Variants in MIPEP observed in about 807,000 individuals in gnomAD.
MIPEP encodes mitochondrial intermediate peptidase.
A neutral mutation model predicts 90.3 loss-of-function variants in MIPEP; 79 were observed. The ratio of observed to expected loss-of-function variants is 0.87; its 90% CI spans 0.73 to 1.05. The LOEUF is 1.05. Ranked by LOEUF, MIPEP falls within the 50% of genes least tolerant of loss-of-function variation. The probability of loss-of-function intolerance (pLI) is 0.00; values close to 1 mark genes in which losing one functional copy is unlikely to be tolerated. For missense variants in MIPEP, 940 were observed against 905.6 expected (o/e 1.04, Z -0.49); for synonymous variants, 334 against 315.8 (o/e 1.06, Z -0.61).
At chr13:23,861,558 A>G (rs891052220) in intron 9 of MIPEP, among the ~76,000 whole-genome samples, 1 of 152,194 alleles carries the variant, frequency 6.6e-6, no homozygotes, top group Non-Finnish European at 1.5e-5. Context: ...AACAGTTTGT[A>G]AATCTGCAAG....
intron 18 of MIPEP, among the ~76,000 whole-genome samples, chr13:23,733,136 AT>A (rs1206992522): frequency 6.6e-6 from 1 of 152,226 alleles, no homozygotes; most frequent in Non-Finnish European, 1.5e-5. Flanking sequence ...AAATTTTAAC[AT>A]AAAATCTTGA....
At chr13:23,785,459 A>G (rs1440021259) in intron 16 of MIPEP, among the ~76,000 whole-genome samples, 9 of 130,648 alleles carry the variant, frequency 6.9e-5, no homozygotes, top group Admixed American at 2.6e-4. Context: ...TGGACATCAT[A>G]CACCGGGGCC....
chr13:23,796,565 C>T (rs1952963969), intron 16 of MIPEP, among the ~76,000 whole-genome samples: 1 of 149,058 alleles, frequency 6.7e-6, no homozygotes. Context: ...TTAAATTTTT[C>T]TTCTTTTTGG....
rs571766643 is a variant in MIPEP at position 23,889,129 on chromosome 13, C to T, written c.189+3G>A. 12 of 1,414,408 alleles carry T rather than the reference C, an allele frequency of 8.5e-6. No individual in the cohort carries two copies. The highest frequency in any genetic ancestry group is 2.6e-4 in the Middle Eastern group (1 of 3,844). 87.6% of individuals were successfully genotyped at this position (1,414,408 alleles called of 1,614,324 possible). ...TGAGGGGAGCTCCTCCTGCGCCGCT[C>T]ACCCGGCGCTCGCCGAACAGGTCCA... On this transcript the variant is annotated splice_donor_region_variant and intron_variant, in intron 1 of 18. Coordinates refer to ENST00000382172, the MANE Select transcript of MIPEP (RefSeq NM_005932.4).
At chr13:23,861,824 A>G (rs1236478985) in intron 9 of MIPEP, among the ~76,000 whole-genome samples, 1 of 152,200 alleles carries the variant, frequency 6.6e-6, no homozygotes, top group East Asian at 1.9e-4. Flanking sequence ...TCATATAATC[A>G]TATGATTGAA....
intron 10 of MIPEP, among the ~76,000 whole-genome samples, chr13:23,846,848 AT>A (rs1566015732): frequency 6.6e-6 from 1 of 152,032 alleles, no homozygotes; most frequent in Non-Finnish European, 1.5e-5. Context: ...GATGATGATG[AT>A]GATGGTAACT....
chr13:23,742,602 G>T (rs1952342516), intron 18 of MIPEP, among the ~76,000 whole-genome samples: 2 of 152,172 alleles, frequency 1.3e-5, no homozygotes, highest in South Asian at 4.1e-4. Context: ...GAAGGAGGAG[G>T]TTGCTTACTA....
At chr13:23,740,839 G>A (rs1452668554) in intron 18 of MIPEP, among the ~76,000 whole-genome samples, 1 of 152,234 alleles carries the variant, frequency 6.6e-6, no homozygotes, top group Admixed American at 6.5e-5. Flanking sequence ...CAGAGGGACT[G>A]CCCTCCATAG....
intron 16 of MIPEP, among the ~76,000 whole-genome samples, chr13:23,801,720 T>C (rs1483401068): frequency 6.6e-6 from 1 of 152,222 alleles, no homozygotes; most frequent in Non-Finnish European, 1.5e-5. Context: ...ATTCATTTAT[T>C]TCACTTTACC....
At chr13:23,762,508 A>G (rs1455894951) in intron 16 of MIPEP, among the ~76,000 whole-genome samples, 1 of 152,166 alleles carries the variant, frequency 6.6e-6, no homozygotes, top group African/African-American at 2.4e-5. Context: ...ACTGCAATCA[A>G]TTTAGGACAT....
At chr13:23,781,176 C>A (rs565849658) in intron 16 of MIPEP, among the ~76,000 whole-genome samples, 12 of 151,946 alleles carry the variant, frequency 7.9e-5, no homozygotes, top group Non-Finnish European at 1.2e-4. Flanking sequence ...GTTGAAATGA[C>A]GGAAAAAATG....
chr13:23,869,191 A>C (rs1184763975), intron 7 of MIPEP, 101 bp downstream of exon 7: 1 of 1,046,274 alleles, frequency 9.6e-7, no homozygotes, highest in Non-Finnish European at 1.4e-6. Flanking sequence ...GGTTCTCTAC[A>C]TGTATTAAAA....
chr13:23,879,228 G>A lies in MIPEP; in HGVS notation c.539+40C>T, dbSNP rs114708398. The A allele has an allele frequency of 8.6e-4, 1,058 of 1,230,594 alleles. 7 individuals carry two copies. In the African/African-American group the frequency reaches 0.015, roughly 17 times the overall value. The allele number at this position is 1,230,594 out of a possible 1,614,324, so 76.2% of individuals were successfully genotyped here. A position where few individuals can be genotyped will look rare whatever the true frequency, so the allele number is the denominator to read the frequency against. ...GGAGAGTCTCCCAACCTCACCTCTA[G>A]AGTCACAGTCACAATCAAGGCAAAG... On this transcript the variant is annotated intron_variant, in intron 4 of 18. Coordinates refer to ENST00000382172, the MANE Select transcript of MIPEP (RefSeq NM_005932.4).
intron 18 of MIPEP, among the ~76,000 whole-genome samples, chr13:23,741,684 G>A (rs1400855181): frequency 1.7e-5 from 2 of 120,754 alleles, no homozygotes; most frequent in East Asian, 2.6e-4. Flanking sequence ...GAGCATGGGA[G>A]GAGGGAGAGC....
intron 14 of MIPEP, among the ~76,000 whole-genome samples, chr13:23,833,212 T>A (rs1868854580): frequency 6.6e-6 from 1 of 152,208 alleles, no homozygotes; most frequent in Non-Finnish European, 1.5e-5. Context: ...CTTCTTATCC[T>A]TAAGGCTAGG....
chr13:23,879,330 A>G lies in MIPEP; in HGVS notation c.477T>C (p.Tyr159=). 1 of 1,590,478 alleles carries G rather than the reference A, an allele frequency of 6.3e-7. No individual in the cohort carries two copies. Among genetic ancestry groups the G allele is most frequent in the East Asian group, 2.2e-5 (1 of 44,778 alleles). The change falls in exon 4 of 19, where the codon TAT becomes TAC. Residue 159 remains tyrosine, a synonymous_variant. Transcript: ENST00000382172. ...VEKLNTNVDL[Y]QSLQKLLADK... ...CAGCTAGTAATTTTTGCAAACTTTG[A>G]TATAAATCCACATTTGTGTTCAACC...
intron 15 of MIPEP, among the ~76,000 whole-genome samples, 177 bp from the exon 16 acceptor site, chr13:23,806,246 A>G (rs1192911474): frequency 6.6e-6 from 1 of 152,206 alleles, no homozygotes; most frequent in African/African-American, 2.4e-5. Flanking sequence ...AGACCATGCT[A>G]AAGATTAAAA....
chr13:23,784,204 A>G (rs900373173), intron 16 of MIPEP, among the ~76,000 whole-genome samples: 1 of 152,224 alleles, frequency 6.6e-6, no homozygotes, highest in Non-Finnish European at 1.5e-5. Flanking sequence ...AAAAGAACAG[A>G]GCTGGAGGCA....
chr13:23,798,368 T>C (rs1952987837), intron 16 of MIPEP, among the ~76,000 whole-genome samples: 1 of 152,216 alleles, frequency 6.6e-6, no homozygotes, highest in Admixed American at 6.5e-5. Context: ...TTAGTCTGAA[T>C]AGAAACCAGT....
Sources: allele counts gnomAD v4.1 joint callset (sites outside exome capture counted in the v4.1 genomes callset), GRCh38; gene constraint gnomAD v4.1.1; transcripts MANE v1.5; gene names NCBI Gene and HGNC (gene_info 2026-07-23, HGNC 2026-07-21).